Variants in DIAPH3 observed in about 807,000 individuals in gnomAD.
DIAPH3 encodes diaphanous related formin 3.
Under a neutral mutation model 144.3 loss-of-function variants are expected in DIAPH3, and 117 were observed. The ratio of observed to expected loss-of-function variants is 0.81; its 90% confidence interval spans 0.70 to 0.95. The LOEUF (loss-of-function observed/expected upper bound fraction) is 0.95. Among genes scored for constraint, DIAPH3 ranks in the 40% least tolerant of loss-of-function variants. The pLI, the probability that DIAPH3 is intolerant of heterozygous loss-of-function variation, is 0.00. For missense variants in DIAPH3, 1,421 were observed against 1,412.7 expected (o/e 1.01, Z -0.09); for synonymous variants, 519 against 488.9 (o/e 1.06, Z -0.81).
rs534481749 is a variant in DIAPH3 at position 59,920,554 on chromosome 13, A to G, written c.2170+4221T>C. ...TGTGCGTGTATATACATATATATGT[A>G]TATATATATATAATTTGTATCCAAC... On this transcript the variant is annotated intron_variant, in intron 18 of 27. Transcript: ENST00000400324. 3.3e-4 allele frequency among the ~76,000 whole-genome samples: 50 copies of G among 150,930 alleles called. 1 individual carries two copies. In the South Asian group the frequency reaches 8.8e-3, roughly 26 times the overall value.
At chr13:59,936,962 G>A (rs1487591444) in intron 17 of DIAPH3, among the ~76,000 whole-genome samples, 1 of 152,002 alleles carries the variant, frequency 6.6e-6, no homozygotes, top group African/African-American at 2.4e-5. Context: ...AGGAGATCGA[G>A]ACCATCCTGG....
intron 27 of DIAPH3, among the ~76,000 whole-genome samples, chr13:59,680,549 G>A (rs1470287019): frequency 1.3e-5 from 2 of 151,128 alleles, no homozygotes; most frequent in Non-Finnish European, 2.9e-5. Context: ...GATCTAAGAA[G>A]ACTTCTTTCC....
At chr13:60,133,068 T>C in intron 1 of DIAPH3, 79 bp from the exon 2 acceptor site, 1 of 959,780 alleles carries the variant, frequency 1.0e-6, no homozygotes, top group Non-Finnish European at 1.6e-6. Context: ...CATTCAAAAT[T>C]CTACAATCCT....
intron 27 of DIAPH3, among the ~76,000 whole-genome samples, chr13:59,699,936 C>T (rs1320456786): frequency 6.6e-6 from 1 of 152,166 alleles, no homozygotes; most frequent in African/African-American, 2.4e-5. Flanking sequence ...TCATCTGTCT[C>T]CATGGCTTAA....
rs375809462 is a variant in DIAPH3 at position 59,839,447 on chromosome 13, G to C, written c.2739C>G (p.Val913=). Residue 913 remains valine (V), a splice_region_variant and synonymous_variant, in exon 23 of 28, where the codon GTC becomes GTG. Transcript: ENST00000400324. ...AATTCTTTTCCAGCGTTTCTACAGAGACTAAAAGAGAGTATATTAAATGCC... is the reference window on the plus strand; with the variant it reads ...AATTCTTTTCCAGCGTTTCTACAGACACTAAAAGAGAGTATATTAAATGCC... ...DLEPLDKASK[V]SVETLEKNLR... The C allele has an allele frequency of 3.6e-5, 58 of 1,612,676 alleles. No individual in the cohort carries two copies. The African/African-American group carries it at 6.1e-4, about 17-fold the overall frequency.
chr13:60,119,543 C>T (rs1013171450), intron 2 of DIAPH3, among the ~76,000 whole-genome samples: 5 of 151,416 alleles, frequency 3.3e-5, no homozygotes, highest in African/African-American at 4.9e-5. Flanking sequence ...GTCAGGAGAT[C>T]GAGACCATCC....
chr13:60,150,061 T>C (rs1332722564), intron 1 of DIAPH3, among the ~76,000 whole-genome samples: 8 of 152,058 alleles, frequency 5.3e-5, no homozygotes, highest in African/African-American at 1.7e-4. Flanking sequence ...CCGCTCTGTT[T>C]CCCAGACTGG....
intron 17 of DIAPH3, among the ~76,000 whole-genome samples, chr13:59,937,162 C>T (rs1176360117): frequency 7.8e-6 from 1 of 128,548 alleles, no homozygotes; most frequent in Non-Finnish European, 1.7e-5. Context: ...GACTCCATCT[C>T]AAAAAAAAAA....
In DIAPH3 at chr13:60,022,226, T is replaced by A. The variant is rs556925597; in HGVS notation, c.627-6081A>T. 4.6e-5 allele frequency among the ~76,000 whole-genome samples: 7 copies of A among 152,350 alleles called. No homozygotes were observed. The South Asian group carries it at 1.4e-3, about 32-fold the overall frequency. On this transcript the variant is annotated intron_variant, in intron 5 of 27. Transcript: ENST00000400324. The stretch of plus-strand genomic sequence containing the variant: ...CAGTTTTATTTCTACCTTTCTGACC[T>A]GCATGCCTTTATTTCCTTTTCTTGC...
intron 20 of DIAPH3, among the ~76,000 whole-genome samples, chr13:59,884,519 T>A (rs571438648): frequency 6.6e-6 from 1 of 152,188 alleles, no homozygotes; most frequent in South Asian, 2.1e-4. Context: ...ATTAGCTAAT[T>A]CTTCAGTTCT....
chr13:60,058,745 T>C (rs992555880), intron 4 of DIAPH3, among the ~76,000 whole-genome samples: 8 of 151,924 alleles, frequency 5.3e-5, no homozygotes, highest in African/African-American at 1.9e-4. Context: ...CAAAATCATA[T>C]CTTGCAGCAA....
intron 12 of DIAPH3, among the ~76,000 whole-genome samples, chr13:59,989,880 G>A (rs1344943217): frequency 6.6e-6 from 1 of 151,654 alleles, no homozygotes; most frequent in Non-Finnish European, 1.5e-5. Flanking sequence ...TAAATTCTTG[G>A]GTACTCAAAC....
intron 4 of DIAPH3, among the ~76,000 whole-genome samples, chr13:60,077,029 G>A (rs2057403159): frequency 6.6e-6 from 1 of 151,902 alleles, no homozygotes; most frequent in African/African-American, 2.4e-5. Context: ...ACTAAAGACT[G>A]CTTCATTAAG....
intron 3 of DIAPH3, among the ~76,000 whole-genome samples, chr13:60,094,313 C>T (rs1168214682): frequency 6.6e-6 from 1 of 152,174 alleles, no homozygotes. Flanking sequence ...CTTATAAAAA[C>T]AGCTACCACC....
At position 60,088,698 on chromosome 13, in the gene DIAPH3, C is replaced by T. The variant is rs559004544; in HGVS notation, c.495+4930G>A. ...CTGCAGTGGCATGATCTCAGCTCAC[C>T]GCAACCTCCACCTCCTGGGTTCAAG... On this transcript the variant is annotated intron_variant, in intron 4 of 27. Coordinates refer to ENST00000400324, the MANE Select transcript of DIAPH3 (RefSeq NM_001042517.2). 3.7e-4 allele frequency among the ~76,000 whole-genome samples: 56 copies of T among 152,170 alleles called. 1 individual carries two copies. The highest frequency in any genetic ancestry group is 7.4e-5 in the Non-Finnish European group (5 of 67,990).
chr13:59,684,103 C>CA (rs1270576522), intron 27 of DIAPH3, among the ~76,000 whole-genome samples: 6 of 151,404 alleles, frequency 4.0e-5, no homozygotes, highest in Non-Finnish European at 8.8e-5. Context: ...GAGACTCTGA[C>CA]AACGTTCTTG....
chr13:59,744,172 C>A (rs965431142), intron 27 of DIAPH3, among the ~76,000 whole-genome samples: 1 of 152,044 alleles, frequency 6.6e-6, no homozygotes, highest in African/African-American at 2.4e-5. Flanking sequence ...ATAACCACCA[C>A]CAAAAATAAA....
chr13:59,671,708 T>G (rs2032384317), intron 27 of DIAPH3, among the ~76,000 whole-genome samples: 2 of 152,208 alleles, frequency 1.3e-5, no homozygotes, highest in African/African-American at 4.8e-5. Flanking sequence ...GCTATTTTCC[T>G]TTAAGATAGG....
chr13:60,004,572 T>C (rs770121227), intron 9 of DIAPH3, among the ~76,000 whole-genome samples: 6 of 152,168 alleles, frequency 3.9e-5, no homozygotes, highest in Non-Finnish European at 5.9e-5. Context: ...AACAAAATAT[T>C]TGAATAGAAA....
Sources: gnomAD v4.1 joint callset for allele counts (sites outside exome capture counted in the v4.1 genomes callset) on GRCh38, gnomAD v4.1.1 for gene constraint, MANE v1.5 for transcripts, NCBI Gene and HGNC (gene_info 2026-07-23, HGNC 2026-07-21) for gene names.